Variants in TRAK2 observed in about 807,000 individuals in gnomAD.
The protein encoded by TRAK2 is trafficking kinesin protein 2.
A neutral mutation model predicts 104.6 loss-of-function variants in TRAK2; 81 were observed. That is an observed-to-expected ratio of 0.77 (90% CI 0.65 to 0.93). The LOEUF (loss-of-function observed/expected upper bound fraction) is 0.93. Ranked by LOEUF, TRAK2 falls within the 40% of genes least tolerant of loss-of-function variation. The pLI, the probability that TRAK2 is intolerant of heterozygous loss-of-function variation, is 0.00. For missense variants in TRAK2, 1,002 were observed against 1,089.0 expected (o/e 0.92, Z 1.12); for synonymous variants, 406 against 394.4 (o/e 1.03, Z -0.35).
At chr2:201,440,100 C>T (rs1336313586) in intron 1 of TRAK2, among the ~76,000 whole-genome samples, 3 of 151,672 alleles carry the variant, frequency 2.0e-5, no homozygotes, top group Non-Finnish European at 2.9e-5. Flanking sequence ...AAAAGTGCCT[C>T]TTAAAGAAGA....
intron 13 of TRAK2, among the ~76,000 whole-genome samples, chr2:201,386,935 T>C (rs1264659425): frequency 3.3e-5 from 5 of 152,224 alleles, no homozygotes; most frequent in African/African-American, 9.6e-5. Context: ...GGATATGTTC[T>C]ACTGGTTCCA....
intron 2 of TRAK2, chr2:201,410,604 T>G (rs2125650709): frequency 7.9e-7 from 1 of 1,272,282 alleles, no homozygotes; most frequent in Middle Eastern, 1.9e-4. Context: ...TAGCAGTTGG[T>G]GGCTATGCAA....
chr2:201,381,221 T>TAAAA lies in TRAK2; in HGVS notation c.2070-7_2070-4dup. ...AGGATAATGAAGGGAACCCAGAGCT[T>TAAAA]AAAAAAAAAAAAAAAAAGTGGGAGA... is the stretch of plus-strand genomic sequence containing the variant. On this transcript the variant is annotated splice_polypyrimidine_tract_variant and splice_region_variant and intron_variant, in intron 15 of 15. Transcript: ENST00000332624. The TAAAA allele has an allele frequency of 9.9e-6, 15 of 1,520,232 alleles. No individual in the cohort carries two copies. Among genetic ancestry groups the TAAAA allele is most frequent in the Admixed American group, 4.4e-5 (2 of 45,376 alleles). 94.2% of individuals were successfully genotyped at this position (1,520,232 alleles called of 1,614,324 possible). A position where few individuals can be genotyped will look rare whatever the true frequency, so the allele number is the denominator to read the frequency against.
chr2:201,386,076 A>G, intron 14 of TRAK2, 142 bp downstream of exon 14: 1 of 870,570 alleles, frequency 1.1e-6, no homozygotes, highest in South Asian at 1.7e-5. Flanking sequence ...TAGGAATGCC[A>G]CTAATGCTAT....
Position 201,395,453 on chromosome 2 carries a change from CA to C in TRAK2, c.770-10del, listed in dbSNP as rs745552193. The C allele has an allele frequency of 7.6e-5, 114 of 1,497,328 alleles. No homozygotes were observed. The highest frequency in any genetic ancestry group is 2.9e-4 in the South Asian group (21 of 72,216). The allele number at this position is 1,497,328 out of a possible 1,614,324, so 92.8% of individuals were successfully genotyped here. A position where few individuals can be genotyped will look rare whatever the true frequency, so the allele number is the denominator to read the frequency against. On this transcript the variant is annotated splice_polypyrimidine_tract_variant and intron_variant, in intron 7 of 15. Transcript: ENST00000332624. Reference sequence around the variant, plus strand: ...CTGAGCATTTGTTTCACCTTGGAAGCAAAAAAAATTTTTTTAAATTAATACA... The same window carrying C: ...CTGAGCATTTGTTTCACCTTGGAAGCAAAAAAATTTTTTTAAATTAATACA...
chr2:201,387,133 T>C (rs1401985316), intron 13 of TRAK2, among the ~76,000 whole-genome samples: 2 of 152,232 alleles, frequency 1.3e-5, no homozygotes, highest in African/African-American at 4.8e-5. Flanking sequence ...ACACTCAAAA[T>C]TTCATTTAAT....
chr2:201,450,544 A>T (rs949470818), intron 1 of TRAK2, among the ~76,000 whole-genome samples: 7 of 152,194 alleles, frequency 4.6e-5, no homozygotes, highest in African/African-American at 1.7e-4. Flanking sequence ...TTAACCTGCT[A>T]TTTGGAGACT....
chr2:201,382,894 A>AT (rs1041303861), intron 15 of TRAK2, among the ~76,000 whole-genome samples: 4 of 151,918 alleles, frequency 2.6e-5, no homozygotes, highest in African/African-American at 7.3e-5. Flanking sequence ...CACTAGCTTT[A>AT]TTTTTTTTAC....
At chr2:201,432,092 G>A (rs1344809580) in intron 1 of TRAK2, among the ~76,000 whole-genome samples, 1 of 152,080 alleles carries the variant, frequency 6.6e-6, no homozygotes, top group Non-Finnish European at 1.5e-5. Context: ...TATTGTTATT[G>A]TACCTTACAC....
intron 15 of TRAK2, 45 bp from the exon 16 acceptor site, chr2:201,381,263 AAAGC>A: frequency 6.6e-7 from 1 of 1,518,796 alleles, no homozygotes; most frequent in South Asian, 1.3e-5. Context: ...TTAAGAATAA[AAAGC>A]AAGCTCCAAG....
intron 7 of TRAK2, among the ~76,000 whole-genome samples, chr2:201,396,808 T>C (rs566287706): frequency 3.1e-4 from 47 of 152,266 alleles, no homozygotes; most frequent in African/African-American, 1.1e-3. Flanking sequence ...CTGGGAAGTA[T>C]GGAGTAGGAT....
In TRAK2 at chr2:201,389,908, A is replaced by G. The variant is rs531580367; in HGVS notation, c.1114-28T>C. 14 of 1,575,266 alleles carry G rather than the reference A, an allele frequency of 8.9e-6. No homozygotes were observed. In the Admixed American group the frequency reaches 1.5e-4, roughly 17 times the overall value. ...AAGAAAAAGAGTTTGAGATTTCTAAAGTGATTGTTGCCCTTAAATTAACAG... is the reference window on the plus strand; with the variant it reads ...AAGAAAAAGAGTTTGAGATTTCTAAGGTGATTGTTGCCCTTAAATTAACAG... On this transcript the variant is annotated intron_variant, in intron 10 of 15. Transcript: ENST00000332624.
At chr2:201,430,365 G>C (rs543741001) in intron 1 of TRAK2, among the ~76,000 whole-genome samples, 15 of 152,362 alleles carry the variant, frequency 9.8e-5, no homozygotes, top group African/African-American at 3.6e-4. Context: ...CTGTCAGACA[G>C]GGACGTTTAA....
At chr2:201,438,497 A>G (rs1350219590) in intron 1 of TRAK2, among the ~76,000 whole-genome samples, 1 of 152,230 alleles carries the variant, frequency 6.6e-6, no homozygotes, top group Non-Finnish European at 1.5e-5. Flanking sequence ...AAGAAAATTA[A>G]GGCTTAGAGG....
intron 12 of TRAK2, among the ~76,000 whole-genome samples, chr2:201,388,737 C>T (rs944453249): frequency 2.6e-5 from 4 of 152,190 alleles, no homozygotes; most frequent in Non-Finnish European, 4.4e-5. Context: ...GACAGTGAGG[C>T]AGTAGGACAC....
At chr2:201,450,491 A>C (rs1203000671) in intron 1 of TRAK2, among the ~76,000 whole-genome samples, 1 of 152,094 alleles carries the variant, frequency 6.6e-6, no homozygotes, top group Non-Finnish European at 1.5e-5. Context: ...TCTCACCTCC[A>C]AATGTCCTTC....
At chr2:201,398,761 G>C (rs1469391090) in intron 5 of TRAK2, among the ~76,000 whole-genome samples, 1 of 152,012 alleles carries the variant, frequency 6.6e-6, no homozygotes, top group Non-Finnish European at 1.5e-5. Flanking sequence ...GTAATTTTAA[G>C]ATGTATATCA....
chr2:201,418,294 C>T (rs1951710283), intron 2 of TRAK2, among the ~76,000 whole-genome samples: 1 of 152,206 alleles, frequency 6.6e-6, no homozygotes, highest in Non-Finnish European at 1.5e-5. Flanking sequence ...ATCCTCCTGC[C>T]TCAGCTTCCC....
Position 201,384,116 on chromosome 2 carries a change from G to A in TRAK2, c.2064C>T (p.Thr688=), listed in dbSNP as rs951000493. 1.2e-6 allele frequency: 2 copies of A among 1,609,192 alleles called. No homozygotes were observed. Among genetic ancestry groups the A allele is most frequent in the Non-Finnish European group, 1.7e-6 (2 of 1,177,432 alleles). ...ILHPSDITQV[T]PSSGFPSLSC... ...GATTTCCCAGGCACTCTTACCTGGG[G>A]GTAACCTGAGTGATGTCAGAGGGAT... Residue 688 remains threonine (T), a synonymous_variant, in exon 15 of 16, where the codon ACC becomes ACT. Transcript: ENST00000332624.
Sources: allele counts gnomAD v4.1 joint callset (sites outside exome capture counted in the v4.1 genomes callset), GRCh38; gene constraint gnomAD v4.1.1; transcripts MANE v1.5; gene names NCBI Gene and HGNC (gene_info 2026-07-23, HGNC 2026-07-21).